VRK2: variants seen among roughly 807,000 people sequenced by gnomAD.
VRK2 encodes VRK serine/threonine kinase 2.
VRK2 carries 60 observed loss-of-function variants against 57.6 expected under a neutral mutation model. That is an observed-to-expected ratio of 1.04 (90% CI 0.85 to 1.29). VRK2 has a LOEUF of 1.29. Ranked by LOEUF, VRK2 falls within the 50% of genes most tolerant of loss-of-function variation. VRK2 has a pLI of 0.00. For missense variants in VRK2, 705 were observed against 588.1 expected (o/e 1.20, Z -2.06); for synonymous variants, 231 against 199.2 (o/e 1.16, Z -1.35).
At chr2:58,018,898 T>C (rs2103666654) in intron 1 of VRK2, among the ~76,000 whole-genome samples, 1 of 152,346 alleles carries the variant, frequency 6.6e-6, no homozygotes, top group East Asian at 1.9e-4. Flanking sequence ...GTTTACACCC[T>C]CACTGCATCC....
chr2:58,117,076 G>T (rs1207582380), intron 7 of VRK2, among the ~76,000 whole-genome samples: 1 of 152,098 alleles, frequency 6.6e-6, no homozygotes, highest in Non-Finnish European at 1.5e-5. Flanking sequence ...CTAATTTTTG[G>T]AGTTTTATTT....
intron 1 of VRK2, among the ~76,000 whole-genome samples, chr2:58,011,710 G>A (rs1453458148): frequency 6.6e-6 from 1 of 151,924 alleles, no homozygotes. Flanking sequence ...CAAACACCAA[G>A]GTTAATACAC....
chr2:57,941,850 A>G (rs775932428), intron 1 of VRK2, among the ~76,000 whole-genome samples: 6 of 152,246 alleles, frequency 3.9e-5, no homozygotes, highest in Non-Finnish European at 5.9e-5. Context: ...AAGAGTGTAT[A>G]TGTGAATTAT....
At chr2:58,081,148 A>G (rs1260698564) in intron 2 of VRK2, among the ~76,000 whole-genome samples, 2 of 151,996 alleles carry the variant, frequency 1.3e-5, no homozygotes, top group African/African-American at 4.8e-5. Flanking sequence ...TACCTTTTCT[A>G]CATACACAAG....
intron 2 of VRK2, among the ~76,000 whole-genome samples, chr2:58,055,710 G>T (rs1336498053): frequency 6.6e-6 from 1 of 152,176 alleles, no homozygotes; most frequent in Non-Finnish European, 1.5e-5. Flanking sequence ...CTTGGTGGCA[G>T]GCAGCTCTTT....
At chr2:58,059,542 TTAAGA>T (rs1277602798) in intron 2 of VRK2, among the ~76,000 whole-genome samples, 6 of 152,030 alleles carry the variant, frequency 3.9e-5, no homozygotes, top group Admixed American at 2.0e-4. Flanking sequence ...CAGAAAATAC[TTAAGA>T]TAAATAGGAT....
At chr2:57,921,151 A>G (rs1161298387) in intron 1 of VRK2, among the ~76,000 whole-genome samples, 1 of 152,100 alleles carries the variant, frequency 6.6e-6, no homozygotes, top group Admixed American at 6.6e-5. Context: ...AAGATGGCCT[A>G]CATCAGAATC....
At chr2:58,110,494 T>C (rs1675398962) in intron 7 of VRK2, among the ~76,000 whole-genome samples, 1 of 152,218 alleles carries the variant, frequency 6.6e-6, no homozygotes, top group Non-Finnish European at 1.5e-5. Flanking sequence ...TTAAAAAATA[T>C]ATGTAGCCTC....
At chr2:58,034,528 C>T (rs1349234501) in intron 3 of VRK2, among the ~76,000 whole-genome samples, 2 of 151,964 alleles carry the variant, frequency 1.3e-5, no homozygotes, top group Non-Finnish European at 2.9e-5. Flanking sequence ...GTTCCTTCTA[C>T]AAGGCTCTAA....
At chr2:58,115,274 G>A (rs1676259374) in intron 7 of VRK2, among the ~76,000 whole-genome samples, 1 of 152,148 alleles carries the variant, frequency 6.6e-6, no homozygotes, top group Non-Finnish European at 1.5e-5. Flanking sequence ...TGGGGGTCAG[G>A]TGTGGTATCA....
rs541409950 is a variant in VRK2 at position 57,973,381 on chromosome 2, T to C, written c.-438-52284T>C. ...ATTCCAACTAAACAAGAGTGTTGAC[T>C]AATAAGAAACAGATTATAATACATA... On this transcript the variant is annotated intron_variant, in intron 1 of 15. Transcript: ENST00000417641. 2.6e-4 allele frequency among the ~76,000 whole-genome samples: 39 copies of C among 152,044 alleles called. No homozygotes were observed. In the South Asian group the frequency reaches 3.5e-3, roughly 14 times the overall value.
At chr2:58,159,277 C>CA (rs1298728457) in intron 12 of VRK2, 72 bp from the exon 13 acceptor site, 2 of 1,183,828 alleles carry the variant, frequency 1.7e-6, no homozygotes, top group Non-Finnish European at 2.4e-6. Flanking sequence ...AGCATTCTTA[C>CA]ACACTACACA....
intron 1 of VRK2, among the ~76,000 whole-genome samples, chr2:57,934,044 C>T (rs1238022660): frequency 1.3e-5 from 2 of 152,162 alleles, no homozygotes; most frequent in African/African-American, 4.8e-5. Context: ...CCAAACTTTG[C>T]ATTCCATGTT....
intron 1 of VRK2, among the ~76,000 whole-genome samples, chr2:58,024,591 T>C (rs1173694075): frequency 1.3e-5 from 2 of 152,188 alleles, no homozygotes; most frequent in Non-Finnish European, 2.9e-5. Flanking sequence ...GATATTTTAT[T>C]TTGGAATTGT....
intron 1 of VRK2, among the ~76,000 whole-genome samples, chr2:57,943,319 T>C (rs1003000070): frequency 5.3e-5 from 8 of 152,228 alleles, no homozygotes; most frequent in South Asian, 2.1e-4. Flanking sequence ...GCCAATTTTA[T>C]GGCAAATAGC....
chr2:58,125,022 TTC>T (rs1484938195), intron 8 of VRK2, among the ~76,000 whole-genome samples: 2 of 152,182 alleles, frequency 1.3e-5, no homozygotes, highest in Non-Finnish European at 2.9e-5. Flanking sequence ...AAATATTTTA[TTC>T]TGTTACACCT....
intron 7 of VRK2, among the ~76,000 whole-genome samples, chr2:58,117,761 A>G (rs1183687198): frequency 6.6e-6 from 1 of 152,192 alleles, no homozygotes; most frequent in Non-Finnish European, 1.5e-5. Flanking sequence ...GGCATTGCAG[A>G]AGAAAATAAG....
chr2:58,098,662 C>T (rs1294564401), intron 7 of VRK2, among the ~76,000 whole-genome samples: 3 of 151,926 alleles, frequency 2.0e-5, no homozygotes, highest in African/African-American at 7.3e-5. Context: ...GAAGGCTGTA[C>T]TATCAGGGGT....
At chr2:58,048,703 T>C in intron 1 of VRK2, 124 bp from the exon 2 acceptor site, 6 of 1,500,086 alleles carry the variant, frequency 4.0e-6, no homozygotes, top group Non-Finnish European at 5.4e-6. Context: ...GAATTAACTT[T>C]AGAATCCTAA....
Sources: allele counts gnomAD v4.1 joint callset (sites outside exome capture counted in the v4.1 genomes callset), GRCh38; gene constraint gnomAD v4.1.1; transcripts MANE v1.5; gene names NCBI Gene and HGNC (gene_info 2026-07-23, HGNC 2026-07-21).